The following GPR158 variants were observed in gnomAD, a reference collection of about 807,000 sequenced individuals.
GPR158 encodes metabotropic glycine receptor.
A neutral mutation model predicts 78.2 loss-of-function variants in GPR158; 30 were observed. That is an observed-to-expected ratio of 0.38 (90% CI 0.29 to 0.52). GPR158 has a LOEUF of 0.52. Among genes scored for constraint, GPR158 ranks in the 20% least tolerant of loss-of-function variants. GPR158 has a pLI of 0.83. For missense variants in GPR158, 1,463 were observed against 1,523.5 expected, an observed-to-expected ratio of 0.96 and a Z score of 0.66; for synonymous variants, 581 against 591.1, an observed-to-expected ratio of 0.98 and a Z score of 0.25.
chr10:25,413,312 C>G lies in GPR158; in HGVS notation c.1335+839C>G, dbSNP rs76863231. The stretch of plus-strand genomic sequence containing the variant: ...CACCACTGTATTTCTGCCTGGCTGA[C>G]AGAGTGAGACCCTGCCCTGTCTCAA... On this transcript the variant is annotated intron_variant, in intron 4 of 10. Coordinates refer to ENST00000376351, the MANE Select transcript of GPR158 (RefSeq NM_020752.3). 2.5e-3 allele frequency among the ~76,000 whole-genome samples: 380 copies of G among 152,274 alleles called. 2 individuals carry two copies. The highest frequency in any genetic ancestry group is 8.5e-3 in the African/African-American group (353 of 41,540).
intron 6 of GPR158, among the ~76,000 whole-genome samples, chr10:25,556,315 C>T (rs1029187263): frequency 6.6e-6 from 1 of 152,198 alleles, no homozygotes; most frequent in Non-Finnish European, 1.5e-5. Flanking sequence ...TAAGTCATGA[C>T]CCCAAGGGTT....
At chr10:25,375,979 G>C (rs1834073623) in intron 2 of GPR158, among the ~76,000 whole-genome samples, 1 of 151,546 alleles carries the variant, frequency 6.6e-6, no homozygotes, top group African/African-American at 2.4e-5. Context: ...GGGAAGAATT[G>C]ACATCTTTAT....
chr10:25,472,991 G>A (rs1288739495), intron 5 of GPR158, among the ~76,000 whole-genome samples: 2 of 152,002 alleles, frequency 1.3e-5, no homozygotes, highest in East Asian at 3.9e-4. Context: ...CCAACACTAT[G>A]TTGAATAGGA....
chr10:25,385,804 T>C (rs1834214593), intron 2 of GPR158, among the ~76,000 whole-genome samples: 1 of 152,176 alleles, frequency 6.6e-6, no homozygotes. Flanking sequence ...TCAGGTTATT[T>C]GTTTTTCTGT....
intron 2 of GPR158, among the ~76,000 whole-genome samples, chr10:25,391,584 GAATGGGT>G (rs1834298620): frequency 6.6e-6 from 1 of 152,172 alleles, no homozygotes; most frequent in Non-Finnish European, 1.5e-5. Context: ...ATCCCATTTG[GAATGGGT>G]GTATTTACCC....
chr10:25,397,563 A>C (rs1834379386), intron 3 of GPR158, among the ~76,000 whole-genome samples: 1 of 152,216 alleles, frequency 6.6e-6, no homozygotes, highest in African/African-American at 2.4e-5. Flanking sequence ...AGACATTTAT[A>C]GATTTTTATA....
At chr10:25,408,335 G>A (rs1834542225) in intron 3 of GPR158, among the ~76,000 whole-genome samples, 1 of 152,144 alleles carries the variant, frequency 6.6e-6, no homozygotes, top group African/African-American at 2.4e-5. Context: ...ACTGTCCTTT[G>A]TTGCTAATGT....
At chr10:25,569,634 A>G (rs1836978272) in intron 6 of GPR158, among the ~76,000 whole-genome samples, 1 of 152,166 alleles carries the variant, frequency 6.6e-6, no homozygotes. Context: ...CCCTACCTAA[A>G]GACACCTTGC....
chr10:25,478,198 G>A lies in GPR158; in HGVS notation c.1404+11479G>A, dbSNP rs187788268. 1.1e-3 allele frequency among the ~76,000 whole-genome samples: 174 copies of A among 152,214 alleles called. 1 individual carries two copies. The highest frequency in any genetic ancestry group is 3.7e-3 in the African/African-American group (153 of 41,542). On this transcript the variant is annotated intron_variant, in intron 5 of 10. Coordinates refer to ENST00000376351, the MANE Select transcript of GPR158 (RefSeq NM_020752.3). Reference sequence around the variant, plus strand: ...GAAAGAGTTTTAATAAACTTAGAGAGCCTTAAAAAATTGAGAGTTGGAATC... The same window carrying A: ...GAAAGAGTTTTAATAAACTTAGAGAACCTTAAAAAATTGAGAGTTGGAATC...
chr10:25,399,840 G>A (rs1834416770), intron 3 of GPR158, among the ~76,000 whole-genome samples: 2 of 152,102 alleles, frequency 1.3e-5, no homozygotes, highest in African/African-American at 4.8e-5. Context: ...CTTCATCATA[G>A]TATCCAGGCA....
At chr10:25,466,571 T>C in intron 4 of GPR158, 80 bp from the exon 5 acceptor site, 1 of 846,376 alleles carries the variant, frequency 1.2e-6, no homozygotes, top group East Asian at 2.5e-5. Flanking sequence ...CCTACTGCAT[T>C]GTGGCATTTT....
chr10:25,598,900 A>T lies in GPR158; in HGVS notation c.3274A>T (p.Thr1092Ser). The stretch of plus-strand genomic sequence containing the variant: ...AGATGAGAAGCTTTTGATTTCCAAG[A>T]CTCCAGTTCTCCCAGAGAGGGCAAA... ...LEDEKLLISK[T>S]PVLPERAKEE... is the part of the protein sequence containing the mutation. The change falls in exon 11 of 11, where the codon ACT becomes TCT. Residue 1092 changes from threonine (T) to serine (S), a missense_variant. Physicochemically the swap from Thr to Ser is moderately conservative, Grantham distance 58. Transcript: ENST00000376351. 1 of 1,613,798 alleles carries T rather than the reference A, an allele frequency of 6.2e-7. No individual in the cohort carries two copies.
chr10:25,570,571 T>C (rs1288394933), intron 6 of GPR158, among the ~76,000 whole-genome samples: 13 of 152,204 alleles, frequency 8.5e-5, no homozygotes, highest in Admixed American at 7.2e-4. Context: ...TAGCTTTTTA[T>C]TTTAATGTTT....
At chr10:25,372,870 A>T (rs1015546878) in intron 2 of GPR158, among the ~76,000 whole-genome samples, 3 of 151,826 alleles carry the variant, frequency 2.0e-5, no homozygotes, top group African/African-American at 7.2e-5. Context: ...AAATAAATAA[A>T]TAAATAAAAT....
At chr10:25,440,844 C>T (rs1835057923) in intron 4 of GPR158, among the ~76,000 whole-genome samples, 1 of 152,072 alleles carries the variant, frequency 6.6e-6, no homozygotes, top group Non-Finnish European at 1.5e-5. Flanking sequence ...ATGTTATTTT[C>T]TCTTTCAGAA....
intron 5 of GPR158, among the ~76,000 whole-genome samples, chr10:25,473,531 T>C (rs1835539244): frequency 6.6e-6 from 1 of 152,148 alleles, no homozygotes; most frequent in Non-Finnish European, 1.5e-5. Context: ...GAAGGAATGG[T>C]CCCAGCTCCT....
intron 5 of GPR158, among the ~76,000 whole-genome samples, chr10:25,476,732 C>A (rs1835591642): frequency 6.6e-6 from 1 of 152,068 alleles, no homozygotes; most frequent in African/African-American, 2.4e-5. Flanking sequence ...CATGGCAGTA[C>A]TTCTCACAGA....
chr10:25,491,632 G>A (rs540409739), intron 5 of GPR158, among the ~76,000 whole-genome samples: 1 of 152,172 alleles, frequency 6.6e-6, no homozygotes, highest in Non-Finnish European at 1.5e-5. Flanking sequence ...TGTAATTCTT[G>A]ATGGGTTTTG....
chr10:25,589,793 G>C (rs1315505998), intron 8 of GPR158, among the ~76,000 whole-genome samples: 1 of 152,102 alleles, frequency 6.6e-6, no homozygotes, highest in African/African-American at 2.4e-5. Flanking sequence ...TGAACAAAAT[G>C]AAATATATAT....
Sources: allele counts gnomAD v4.1 joint callset (sites outside exome capture counted in the v4.1 genomes callset), GRCh38; gene constraint gnomAD v4.1.1; transcripts MANE v1.5; gene names NCBI Gene and HGNC (gene_info 2026-07-23, HGNC 2026-07-21).